The following TENT5D variants were observed in gnomAD, a reference collection of about 807,000 sequenced individuals.
TENT5D encodes terminal nucleotidyltransferase 5D, also known as cancer/testis antigen 112.
For missense variants in TENT5D, 191 were observed against 287.0 expected, an observed-to-expected ratio of 0.67 and a Z score of 2.42; for synonymous variants, 103 against 100.6, an observed-to-expected ratio of 1.02 and a Z score of -0.15.
intron 2 of TENT5D, among the ~76,000 whole-genome samples, chrX:80,341,569 A>G (rs1161492731): frequency 3.6e-5 from 4 of 111,966 alleles, no homozygotes; most frequent in Non-Finnish European, 7.5e-5. Context: ...TCCATAAAGC[A>G]TATCAGGTTA....
At chrX:80,340,029 TGATTATTAAAA>T (rs1372575290) in intron 2 of TENT5D, among the ~76,000 whole-genome samples, 17 of 110,905 alleles carry the variant, frequency 1.5e-4, no homozygotes, top group Non-Finnish European at 5.7e-5. Context: ...TTGAGTTGAT[TGATTATTAAAA>T]GATGATATGG....
rs1380160796 is a variant in TENT5D, at chrX:80,357,246, G to A, written c.-142+14682G>A. 5.4e-5 allele frequency among the ~76,000 whole-genome samples: 6 copies of A among 111,516 alleles called. No individual in the cohort carries two copies. The East Asian group carries it at 1.4e-3, about 26-fold the overall frequency. ...TACATGTGCATGTGTCTTTAGAGCA[G>A]CATGATTTATAATCCTTTGGGTATA... On this transcript the variant is annotated intron_variant, in intron 3 of 4. Transcript: ENST00000538312.
At position 80,398,121 on chromosome X, in the gene TENT5D, AGAT is replaced by A. The variant is rs1301233034; in HGVS notation, c.-141-40485_-141-40483del. The stretch of plus-strand genomic sequence containing the variant: ...GATAATAGTCGTCCTTGCTGGGGTG[AGAT>A]GATACCTTATTATGATTTTGATTTT... On this transcript the variant is annotated intron_variant, in intron 3 of 4. Transcript: ENST00000538312. Among the ~76,000 whole-genome samples the A allele has an allele frequency of 3.6e-5, 4 of 112,130 alleles. No homozygotes were observed. In the Admixed American group the frequency reaches 3.7e-4, roughly 11 times the overall value.
chrX:80,425,448 T>C (rs1343163708), intron 1 of TENT5D, among the ~76,000 whole-genome samples: 1 of 112,619 alleles, frequency 8.9e-6, no homozygotes, highest in East Asian at 2.8e-4. Flanking sequence ...CATTTCAGCT[T>C]TTTATGAATC....
intron 3 of TENT5D, among the ~76,000 whole-genome samples, chrX:80,353,782 G>A (rs755256687): frequency 1.8e-5 from 2 of 111,576 alleles, no homozygotes; most frequent in Admixed American, 1.9e-4. Context: ...ATATTCCTTT[G>A]GGTATACACC....
chrX:80,348,212 T>C (rs1246772333), intron 3 of TENT5D, among the ~76,000 whole-genome samples: 3 of 112,088 alleles, frequency 2.7e-5, no homozygotes, highest in African/African-American at 9.7e-5. Context: ...AGAAAGTCAA[T>C]CGTAGCTTGA....
chrX:80,341,709 T>C (rs1406602525), intron 2 of TENT5D, among the ~76,000 whole-genome samples: 1 of 105,779 alleles, frequency 9.5e-6, no homozygotes, highest in Admixed American at 1.0e-4. Flanking sequence ...ATAATTCTTT[T>C]CTTTTTTTTT....
chrX:80,441,227 T>G (rs1425663506), intron 2 of TENT5D, among the ~76,000 whole-genome samples: 1 of 111,208 alleles, frequency 9.0e-6, no homozygotes, highest in Non-Finnish European at 1.9e-5. Flanking sequence ...ATATTCAGTC[T>G]GTAGTTCATA....
intron 1 of TENT5D, among the ~76,000 whole-genome samples, chrX:80,421,059 G>T (rs1301662602): frequency 6.2e-5 from 7 of 112,266 alleles, no homozygotes; most frequent in Non-Finnish European, 1.3e-4. Context: ...ACCAGTGAAA[G>T]AAAGTTATTG....
intron 3 of TENT5D, among the ~76,000 whole-genome samples, chrX:80,386,515 A>C (rs769467575): frequency 7.2e-4 from 80 of 111,083 alleles, no homozygotes; most frequent in Non-Finnish European, 1.3e-3. Flanking sequence ...TGTAACAAAC[A>C]TGCACATTGT....
intron 3 of TENT5D, among the ~76,000 whole-genome samples, chrX:80,414,456 G>A (rs1216032708): frequency 2.7e-5 from 3 of 111,792 alleles, no homozygotes; most frequent in Non-Finnish European, 5.6e-5. Context: ...CAAGGTTAAG[G>A]ACGTGCCCGC....
chrX:80,341,315 C>T (rs1442397284), intron 2 of TENT5D, among the ~76,000 whole-genome samples: 2 of 112,157 alleles, frequency 1.8e-5, no homozygotes, highest in African/African-American at 3.2e-5. Flanking sequence ...ATACATCTTA[C>T]GGAAAAGCTG....
chrX:80,443,205 C>T lies in TENT5D; in HGVS notation c.666C>T (p.Leu222=), dbSNP rs1359386793. The change falls in exon 3 of 3, where the codon CTC becomes CTT. Residue 222 remains leucine, a synonymous_variant. Coordinates refer to ENST00000308293, the Ensembl canonical transcript of TENT5D. ...CAATGACACATTTGCAACACAAGCT[C>T]ATATGTACCAGGAAACCTGAAGAGA... 8 of 1,211,068 alleles carry T rather than the reference C, an allele frequency of 6.6e-6. No individual in the cohort carries two copies. The highest frequency in any genetic ancestry group is 2.3e-4 in the Middle Eastern group (1 of 4,352).
intron 3 of TENT5D, among the ~76,000 whole-genome samples, chrX:80,378,768 T>A (rs1484662392): frequency 9.0e-6 from 1 of 111,282 alleles, no homozygotes; most frequent in Non-Finnish European, 1.9e-5. Flanking sequence ...GCAGGCTCTT[T>A]TTTGGTTCCA....
intron 3 of TENT5D, among the ~76,000 whole-genome samples, chrX:80,364,611 G>A (rs1177967845): frequency 1.8e-5 from 2 of 110,216 alleles, no homozygotes; most frequent in Non-Finnish European, 3.8e-5. Context: ...CTTTGAAGAG[G>A]ATGAGGAGAG....
At chrX:80,419,183 A>T (rs374397147), upstream of TENT5D, among the ~76,000 whole-genome samples, 1 of 111,550 alleles carries the variant, frequency 9.0e-6, no homozygotes, top group African/African-American at 3.2e-5. Context: ...TCTACACTCA[A>T]AAGTTTAAAA....
chrX:80,408,577 A>G (rs2147551360), intron 3 of TENT5D, among the ~76,000 whole-genome samples: 1 of 110,651 alleles, frequency 9.0e-6, no homozygotes, highest in Non-Finnish European at 1.9e-5. Flanking sequence ...ATAGACCAAT[A>G]ACACGAGCTG....
At chrX:80,427,916 G>A (rs1271344007) in intron 1 of TENT5D, among the ~76,000 whole-genome samples, 2 of 111,657 alleles carry the variant, frequency 1.8e-5, no homozygotes. Flanking sequence ...AAGACAGATT[G>A]GAGGAAAATA....
At chrX:80,437,223 C>A (rs1932199691) in intron 1 of TENT5D, among the ~76,000 whole-genome samples, 1 of 112,048 alleles carries the variant, frequency 8.9e-6, no homozygotes, top group African/African-American at 3.2e-5. Context: ...CAGTAGACAT[C>A]TTACATTTTT....
Sources: gnomAD v4.1 joint callset for allele counts (sites outside exome capture counted in the v4.1 genomes callset) on GRCh38, gnomAD v4.1.1 for gene constraint, MANE v1.5 for transcripts, NCBI Gene and HGNC (gene_info 2026-07-23, HGNC 2026-07-21) for gene names.